The following GALNTL6 variants were observed in gnomAD, a reference collection of about 807,000 sequenced individuals.
GALNTL6 encodes the protein polypeptide N-acetylgalactosaminyltransferase like 6.
A neutral mutation model predicts 73.7 loss-of-function variants in GALNTL6; 46 were observed. The ratio of observed to expected loss-of-function variants is 0.62; its 90% CI spans 0.49 to 0.80. The LOEUF (loss-of-function observed/expected upper bound fraction) is 0.80. Among genes scored for constraint, GALNTL6 ranks in the 30% least tolerant of loss-of-function variants. GALNTL6 has a pLI of 0.00. For missense variants in GALNTL6, 604 were observed against 755.0 expected (o/e 0.80, Z 2.34); for synonymous variants, 259 against 263.7 (o/e 0.98, Z 0.17).
chr4:171,831,201 C>A (rs1223969424), intron 2 of GALNTL6, among the ~76,000 whole-genome samples: 3 of 151,942 alleles, frequency 2.0e-5, no homozygotes, highest in Admixed American at 1.3e-4. Context: ...GAGTTAGGTT[C>A]ATTTGAATTA....
intron 2 of GALNTL6, among the ~76,000 whole-genome samples, chr4:172,038,719 T>G (rs1742005688): frequency 6.6e-6 from 1 of 152,224 alleles, no homozygotes; most frequent in African/African-American, 2.4e-5. Flanking sequence ...GCAGTTATGT[T>G]GCTTCCTTGT....
At chr4:172,289,028 A>G (rs1579337064) in intron 3 of GALNTL6, among the ~76,000 whole-genome samples, 1 of 152,184 alleles carries the variant, frequency 6.6e-6, no homozygotes, top group Non-Finnish European at 1.5e-5. Flanking sequence ...TAGTGACTTC[A>G]TTATTGTCTT....
At chr4:172,751,534 C>A (rs571481282) in intron 5 of GALNTL6, among the ~76,000 whole-genome samples, 1 of 152,318 alleles carries the variant, frequency 6.6e-6, no homozygotes, top group Non-Finnish European at 1.5e-5. Context: ...AGAATCCTTC[C>A]ATCCTATCTG....
intron 8 of GALNTL6, among the ~76,000 whole-genome samples, chr4:172,922,051 G>T (rs1045636782): frequency 4.6e-5 from 7 of 152,110 alleles, no homozygotes; most frequent in Non-Finnish European, 1.0e-4. Context: ...ATGGGGGCTG[G>T]TCTTTCCCAT....
chr4:172,879,245 G>C (rs1745338904), intron 7 of GALNTL6, among the ~76,000 whole-genome samples: 1 of 151,764 alleles, frequency 6.6e-6, no homozygotes, highest in Admixed American at 6.6e-5. Flanking sequence ...TAAGCATATA[G>C]GAGATTTGAA....
chr4:171,950,305 G>A (rs983638414), intron 2 of GALNTL6, among the ~76,000 whole-genome samples: 1 of 152,012 alleles, frequency 6.6e-6, no homozygotes, highest in Non-Finnish European at 1.5e-5. Flanking sequence ...AGGGTAATAG[G>A]GAAGGGAAGG....
At chr4:172,722,266 G>T (rs1044021982) in intron 5 of GALNTL6, among the ~76,000 whole-genome samples, 7 of 151,880 alleles carry the variant, frequency 4.6e-5, no homozygotes, top group Admixed American at 4.6e-4. Context: ...TCTAAATGGG[G>T]GTTCCATTTC....
intron 9 of GALNTL6, among the ~76,000 whole-genome samples, chr4:172,943,228 G>A (rs954731349): frequency 1.3e-5 from 2 of 151,940 alleles, no homozygotes; most frequent in Non-Finnish European, 2.9e-5. Context: ...CTGTAGAATG[G>A]CCCATGTCGC....
intron 3 of GALNTL6, among the ~76,000 whole-genome samples, chr4:172,270,752 T>TA (rs1554008980): frequency 1.7e-5 from 2 of 119,906 alleles, no homozygotes; most frequent in Admixed American, 9.0e-5. Context: ...GATAGATAGA[T>TA]GATAGATAGT....
rs537623691 is a variant in GALNTL6, at chr4:172,715,139, C to A, written c.554-94222C>A. 5.9e-5 allele frequency among the ~76,000 whole-genome samples: 9 copies of A among 152,190 alleles called. No individual in the cohort carries two copies. In the South Asian group the frequency reaches 1.9e-3, roughly 32 times the overall value. The stretch of plus-strand genomic sequence containing the variant: ...TCTACTACTTGAGGCCAGGAATTAT[C>A]CTTTTGGGGTCTCTACTATGATTTA... On this transcript the variant is annotated intron_variant, in intron 5 of 12. Transcript: ENST00000506823.
intron 5 of GALNTL6, among the ~76,000 whole-genome samples, chr4:172,377,905 C>A (rs989719671): frequency 7.2e-5 from 11 of 151,936 alleles, no homozygotes; most frequent in Non-Finnish European, 1.2e-4. Context: ...ACCAGATCCC[C>A]CCCCCCATGC....
chr4:172,340,636 G>A (rs1561034753), intron 4 of GALNTL6, among the ~76,000 whole-genome samples: 1 of 152,148 alleles, frequency 6.6e-6, no homozygotes, highest in Non-Finnish European at 1.5e-5. Context: ...ATGAATTTAA[G>A]TTATGTGAAA....
intron 10 of GALNTL6, among the ~76,000 whole-genome samples, chr4:172,971,089 G>C (rs1348088429): frequency 6.6e-6 from 1 of 152,132 alleles, no homozygotes; most frequent in African/African-American, 2.4e-5. Flanking sequence ...ACAATCACAG[G>C]AGTGGGTTAT....
intron 5 of GALNTL6, among the ~76,000 whole-genome samples, chr4:172,530,920 G>C (rs72997031): frequency 1.3e-5 from 2 of 152,054 alleles, no homozygotes; most frequent in Non-Finnish European, 2.9e-5. Flanking sequence ...CAGTCTAGAC[G>C]TCTATAATTG....
chr4:172,498,263 T>C (rs546624158), intron 5 of GALNTL6, among the ~76,000 whole-genome samples: 108 of 152,188 alleles, frequency 7.1e-4, no homozygotes, highest in African/African-American at 2.5e-3. Context: ...GCTGGGATTA[T>C]AGGCATGAGC....
intron 2 of GALNTL6, among the ~76,000 whole-genome samples, chr4:171,881,869 GT>G (rs1301635824): frequency 5.3e-5 from 8 of 152,142 alleles, no homozygotes; most frequent in African/African-American, 9.7e-5. Context: ...TCTAAAATGT[GT>G]TTGTTTAGTA....
At chr4:172,913,573 G>T (rs572808740) in intron 8 of GALNTL6, among the ~76,000 whole-genome samples, 3 of 152,240 alleles carry the variant, frequency 2.0e-5, no homozygotes, top group African/African-American at 7.2e-5. Flanking sequence ...GAAAACCATG[G>T]CACGAGAACT....
At chr4:172,215,311 C>A (rs1403175916) in intron 2 of GALNTL6, among the ~76,000 whole-genome samples, 1 of 152,032 alleles carries the variant, frequency 6.6e-6, no homozygotes, top group African/African-American at 2.4e-5. Context: ...TACTAGTTTT[C>A]TGCCTACTTG....
At chr4:172,517,372 G>A (rs536334060) in intron 5 of GALNTL6, among the ~76,000 whole-genome samples, 14 of 152,102 alleles carry the variant, frequency 9.2e-5, no homozygotes, top group Admixed American at 6.6e-4. Flanking sequence ...CTAACATTTT[G>A]ACTAAGATTT....
Sources: allele counts gnomAD v4.1 joint callset (sites outside exome capture counted in the v4.1 genomes callset), GRCh38; gene constraint gnomAD v4.1.1; transcripts MANE v1.5; gene names NCBI Gene and HGNC (gene_info 2026-07-23, HGNC 2026-07-21).